Variants in LRRTM4 observed in about 807,000 individuals in gnomAD.
LRRTM4 encodes the protein leucine-rich repeat transmembrane neuronal protein 4.
In LRRTM4, 25 loss-of-function variants were observed where a neutral mutation model predicts 47.6. The observed-to-expected ratio is 0.53, with a 90% CI of 0.38 to 0.73. The LOEUF is 0.73. LRRTM4 is among the 30% of genes least tolerant of loss of function. The pLI is 0.00. For synonymous variants in LRRTM4, 311 were observed against 269.5 expected, an observed-to-expected ratio of 1.15 and a Z score of -1.51; for missense variants, 638 against 713.4, an observed-to-expected ratio of 0.89 and a Z score of 1.20.
At chr2:76,804,205 G>C (rs1040417338) in intron 3 of LRRTM4, among the ~76,000 whole-genome samples, 2 of 152,192 alleles carry the variant, frequency 1.3e-5, no homozygotes, top group African/African-American at 4.8e-5. Flanking sequence ...CCCTGACACA[G>C]AGTGATAATA....
At chr2:77,235,392 T>C (rs1444961843) in intron 3 of LRRTM4, among the ~76,000 whole-genome samples, 1 of 152,172 alleles carries the variant, frequency 6.6e-6, no homozygotes, top group Non-Finnish European at 1.5e-5. Context: ...TGGTTTTTGC[T>C]TGTTAATTTG....
chr2:77,059,861 T>C (rs1218757000), intron 3 of LRRTM4, among the ~76,000 whole-genome samples: 2 of 152,198 alleles, frequency 1.3e-5, no homozygotes, highest in African/African-American at 4.8e-5. Context: ...TGAAATAATA[T>C]CTCCAACTTC....
chr2:76,855,387 T>C (rs979134546), intron 3 of LRRTM4, among the ~76,000 whole-genome samples: 2 of 152,210 alleles, frequency 1.3e-5, no homozygotes, highest in Admixed American at 6.5e-5. Flanking sequence ...ATTTTATAAA[T>C]TTTCACTTTG....
chr2:77,520,150 C>G (rs1168521110), intron 2 of LRRTM4, among the ~76,000 whole-genome samples: 1 of 152,034 alleles, frequency 6.6e-6, no homozygotes. Flanking sequence ...AGCACAGAGC[C>G]TTTCTCACCA....
intron 3 of LRRTM4, among the ~76,000 whole-genome samples, chr2:76,789,253 G>GA (rs1328011835): frequency 6.6e-6 from 1 of 152,162 alleles, no homozygotes; most frequent in African/African-American, 2.4e-5. Context: ...TGATGAAAGG[G>GA]AATACAAACA....
intron 3 of LRRTM4, among the ~76,000 whole-genome samples, chr2:77,513,757 G>T (rs747399158): frequency 1.3e-5 from 2 of 151,858 alleles, no homozygotes; most frequent in Non-Finnish European, 2.9e-5. Flanking sequence ...GTAGAGACAG[G>T]TTTTCACCAT....
intron 3 of LRRTM4, among the ~76,000 whole-genome samples, chr2:76,910,093 A>G (rs1430222119): frequency 2.0e-5 from 3 of 152,126 alleles, no homozygotes; most frequent in Admixed American, 6.6e-5. Flanking sequence ...CTTGGAACCA[A>G]CCCAAATGTC....
intron 3 of LRRTM4, among the ~76,000 whole-genome samples, chr2:76,792,288 T>A (rs1262641433): frequency 6.6e-6 from 1 of 151,970 alleles, no homozygotes; most frequent in Admixed American, 6.6e-5. Context: ...CTGTTTAAGA[T>A]GAAAGTCATA....
At chr2:77,070,386 A>G (rs1208086038) in intron 3 of LRRTM4, among the ~76,000 whole-genome samples, 1 of 152,066 alleles carries the variant, frequency 6.6e-6, no homozygotes, top group Non-Finnish European at 1.5e-5. Context: ...TTTCTCTGCC[A>G]TTTTCATGGA....
At chr2:76,789,098 C>T (rs573438353) in intron 3 of LRRTM4, among the ~76,000 whole-genome samples, 3 of 152,108 alleles carry the variant, frequency 2.0e-5, no homozygotes, top group Non-Finnish European at 4.4e-5. Flanking sequence ...GAACCCTATA[C>T]TTTAGAGATG....
chr2:76,907,374 C>A (rs1299230399), intron 3 of LRRTM4, among the ~76,000 whole-genome samples: 2 of 150,576 alleles, frequency 1.3e-5, no homozygotes, highest in Non-Finnish European at 3.0e-5. Flanking sequence ...GCACTAAATG[C>A]CCACAAGAAA....
chr2:77,319,105 A>T (rs1677711282), intron 3 of LRRTM4, among the ~76,000 whole-genome samples: 1 of 151,664 alleles, frequency 6.6e-6, no homozygotes, highest in South Asian at 2.1e-4. Flanking sequence ...CAGCCCTGGG[A>T]TGGGCGTGGT....
At chr2:77,399,079 C>A (rs2103831390) in intron 3 of LRRTM4, among the ~76,000 whole-genome samples, 1 of 151,692 alleles carries the variant, frequency 6.6e-6, no homozygotes, top group Admixed American at 6.6e-5. Flanking sequence ...AACTCTATGT[C>A]TTTTTCCCTG....
intron 3 of LRRTM4, among the ~76,000 whole-genome samples, chr2:77,394,571 T>C (rs757097944): frequency 6.6e-6 from 1 of 151,956 alleles, no homozygotes; most frequent in East Asian, 2.0e-4. Flanking sequence ...CTTCAAGCGA[T>C]GTGAGGGTGA....
chr2:77,269,670 C>T (rs186584656), intron 3 of LRRTM4, among the ~76,000 whole-genome samples: 1 of 152,154 alleles, frequency 6.6e-6, no homozygotes, highest in African/African-American at 2.4e-5. Flanking sequence ...ATACAGGGAT[C>T]ATTTATAAAC....
At chr2:77,328,360 A>T (rs1670856754) in intron 3 of LRRTM4, among the ~76,000 whole-genome samples, 1 of 152,142 alleles carries the variant, frequency 6.6e-6, no homozygotes, top group Non-Finnish European at 1.5e-5. Context: ...TTGCTGACAG[A>T]GAGTTCACTG....
chr2:77,058,147 AC>A (rs1679668441), intron 3 of LRRTM4, among the ~76,000 whole-genome samples: 1 of 152,130 alleles, frequency 6.6e-6, no homozygotes, highest in Non-Finnish European at 1.5e-5. Flanking sequence ...CAAACAACCA[AC>A]AAAAAGTTCC....
At chr2:77,491,794 T>C (rs1678173377) in intron 3 of LRRTM4, among the ~76,000 whole-genome samples, 2 of 151,960 alleles carry the variant, frequency 1.3e-5, no homozygotes, top group African/African-American at 4.8e-5. Flanking sequence ...TCTTCATTTT[T>C]CACTCTTTTA....
Position 77,301,975 on chromosome 2 carries a change from AAT to A in LRRTM4, c.1551+216341_1551+216342del, listed in dbSNP as rs1210629943. On this transcript the variant is annotated intron_variant, in intron 3 of 3. Coordinates refer to ENST00000409884, the MANE Select transcript of LRRTM4 (RefSeq NM_001134745.3). ...TTAAAGTCATAGAAGACTCACCAGG[AAT>A]GAGAAAAGGTGAAATCATTTAAAAA... Among the ~76,000 whole-genome samples the A allele has an allele frequency of 3.9e-5, 6 of 152,214 alleles. No homozygotes were observed. The East Asian group carries it at 1.2e-3, about 29-fold the overall frequency.
Sources: gnomAD v4.1 joint callset for allele counts (sites outside exome capture counted in the v4.1 genomes callset) on GRCh38, gnomAD v4.1.1 for gene constraint, MANE v1.5 for transcripts, NCBI Gene and HGNC (gene_info 2026-07-23, HGNC 2026-07-21) for gene names.